The following CENPB variants were observed in gnomAD, a reference collection of about 807,000 sequenced individuals.
CENPB encodes the protein major centromere autoantigen B.
CENPB carries 19 observed loss-of-function variants against 41.9 expected under a neutral mutation model. The observed-to-expected ratio is 0.45, with a 90% CI of 0.32 to 0.67. The LOEUF (loss-of-function observed/expected upper bound fraction) is 0.67, where lower values mean the gene tolerates loss of function less well. Ranked by LOEUF, CENPB falls within the 30% of genes least tolerant of loss-of-function variation. CENPB has a pLI of 0.04. For missense variants in CENPB, 614 were observed against 816.2 expected (o/e 0.75, Z 3.02); for synonymous variants, 399 against 354.4 (o/e 1.13, Z -1.41).
rs199738908 is a variant in CENPB, at chr20:3,785,022, C to G, written c.1462G>C (p.Gly488Arg). The change falls in exon 1 of 1, where the codon GGG (glycine) becomes CGG (arginine). Residue 488 changes from glycine to arginine, a missense_variant. Transcript: ENST00000379751. ...GCTTCCTCCTGGGCACCATAAGCCC[C>G]GAAGCTGCCACCGGCCTCCACTACT... ...QGVVEAGGSFGAYGAQEEAQC... is the reference protein window; with the variant it reads ...QGVVEAGGSFRAYGAQEEAQC... 5.6e-6 allele frequency: 9 copies of G among 1,613,948 alleles called. No individual in the cohort carries two copies. The highest frequency in any genetic ancestry group is 6.8e-6 in the Non-Finnish European group (8 of 1,180,006).
In CENPB at chr20:3,786,355, G is replaced by A. The variant is rs1322429719; in HGVS notation, c.129C>T (p.Ser43=). ...TGGCGCGCTTGTTCTTCAGGATCGT[G>A]CTCAGCGTGGACGGCGGGATGTTGA... ...RRFNIPPSTL[S]TILKNKRAIL... is the part of the protein sequence containing the mutation. The change falls in exon 1 of 1, where the codon AGC becomes AGT. Residue 43 remains serine (S), a synonymous_variant. Transcript: ENST00000379751. The A allele has an allele frequency of 6.2e-7, 1 of 1,606,072 alleles. No homozygotes were observed.
In CENPB at chr20:3,785,365, C is replaced by G; in HGVS notation, c.1119G>C (p.Gln373His). The G allele has an allele frequency of 1.9e-6, 3 of 1,602,016 alleles. No individual in the cohort carries two copies. Among genetic ancestry groups the G allele is most frequent in the Non-Finnish European group, 2.6e-6 (3 of 1,175,544 alleles). Residue 373 changes from glutamine to histidine, a missense_variant, in exon 1 of 1, where the codon CAG (glutamine) becomes CAC (histidine). Gln to His is a conservative substitution (Grantham distance 24). Around this residue, in one of 2 missense-constraint regions of CENPB, gnomAD observed 537 missense variants for 629.4 expected, o/e 0.85. Transcript: ENST00000379751. ...EALHFVAAAW[Q>H]AVEPSDIAAC... ...CGGCTATGTCCGAAGGCTCCACTGC[C>G]TGCCAGGCGGCAGCCACAAAGTGCA...
chr20:3,785,233 C>T lies in CENPB; in HGVS notation c.1251G>A (p.Glu417=). 2 of 1,548,376 alleles carry T rather than the reference C, an allele frequency of 1.3e-6. No homozygotes were observed. Among genetic ancestry groups the T allele is most frequent in the African/African-American group, 1.4e-5 (1 of 72,382 alleles). The change falls in exon 1 of 1, where the codon GAG becomes GAA. Residue 417 remains glutamate, a synonymous_variant. Coordinates refer to ENST00000379751, the MANE Select transcript of CENPB (RefSeq NM_001810.6). The part of the protein sequence containing the change: ...EEEEEEEEEE[E]EEGEGEEEEE... ...CCTCTTCCTCTCCTTCACCCTCTTC[C>T]TCCTCCTCTTCTTCCTCCTCCTCCT...
In CENPB at chr20:3,786,512, G is replaced by T; in HGVS notation, c.-29C>A. ...GGCGCGCCCCCCGCCCCGGGGCCCG[G>T]CGCCGCCGCCGCCGCCCCGGGGCGG... On this transcript the variant is annotated 5_prime_UTR_variant, in exon 1 of 1. Coordinates refer to ENST00000379751, the MANE Select transcript of CENPB (RefSeq NM_001810.6). 44 of 985,150 alleles carry T rather than the reference G, an allele frequency of 4.5e-5. No individual in the cohort carries two copies. Among genetic ancestry groups the T allele is most frequent in the East Asian group, 3.0e-4 (5 of 16,734 alleles). 61.0% of individuals were successfully genotyped at this position (985,150 alleles called of 1,614,324 possible).
chr20:3,784,460 G>C lies in CENPB; in HGVS notation c.*224C>G. 1.8e-6 allele frequency: 1 copy of C among 562,148 alleles called. No homozygotes were observed. 34.8% of individuals were successfully genotyped at this position (562,148 alleles called of 1,614,324 possible). ...GGTCCCCTGAGCCCAGGGCCAAATG[G>C]GGAGGAAAGAGGATTCTGAGAAAGA... On this transcript the variant is annotated 3_prime_UTR_variant, in exon 1 of 1. Coordinates refer to ENST00000379751, the MANE Select transcript of CENPB (RefSeq NM_001810.6). This position sits in a 1 kb window ranked among gnomAD's most constrained non-coding sequence, Gnocchi z 5.2.
In CENPB at chr20:3,785,762, G is replaced by A. The variant is rs1348985910; in HGVS notation, c.722C>T (p.Pro241Leu). 2 of 1,609,100 alleles carry A rather than the reference G, an allele frequency of 1.2e-6. No individual in the cohort carries two copies. Among genetic ancestry groups the A allele is most frequent in the Non-Finnish European group, 1.7e-6 (2 of 1,177,848 alleles). ...CTTGGCCGACTTGCCGGCCACCAGC[G>A]GGGGCAGCTTCTCGCTGCCGTCGGC... ...ANADGSEKLP[P>L]LVAGKSAKPR... The change falls in exon 1 of 1, where the codon CCG becomes CTG. Residue 241 changes from proline to leucine, a missense_variant. Coordinates refer to ENST00000379751, the MANE Select transcript of CENPB (RefSeq NM_001810.6).
In CENPB at chr20:3,786,083, G is replaced by A; in HGVS notation, c.401C>T (p.Ser134Phe). 2 of 1,589,688 alleles carry A rather than the reference G, an allele frequency of 1.3e-6. No individual in the cohort carries two copies. The highest frequency in any genetic ancestry group is 1.7e-6 in the Non-Finnish European group (2 of 1,175,856). Residue 134 changes from serine (S) to phenylalanine (F), a missense_variant, in exon 1 of 1, where the codon TCC (serine) becomes TTC (phenylalanine). By Grantham distance (155) the Ser-to-Phe change is radical. Around this residue, in one of 2 missense-constraint regions of CENPB, gnomAD observed 537 missense variants for 629.4 expected, o/e 0.85. Transcript: ENST00000379751. Reference protein sequence around the residue: ...DRFRRRHGVVSCSGVARARAR... With the variant: ...DRFRRRHGVVFCSGVARARAR... ...GCGGGCGCGGGCCACGCCGCTGCAGGACACCACGCCGTGGCGCCGGCGGAA... is the reference window on the plus strand; with the variant it reads ...GCGGGCGCGGGCCACGCCGCTGCAGAACACCACGCCGTGGCGCCGGCGGAA...
At position 3,786,551 on chromosome 20, in the gene CENPB, G is replaced by A; in HGVS notation, c.-68C>T. ...GCCCCGGGGCGGGGGGCCCGGGCCCGTGGCGGGGGGCACCTGGCGGCCTCT... is the reference window on the plus strand; with the variant it reads ...GCCCCGGGGCGGGGGGCCCGGGCCCATGGCGGGGGGCACCTGGCGGCCTCT... On this transcript the variant is annotated 5_prime_UTR_variant, in exon 1 of 1. The change creates a new upstream start codon in the 5' untranslated region. Transcript: ENST00000379751. The A allele has an allele frequency of 2.5e-6, 1 of 406,598 alleles. No homozygotes were observed. Among genetic ancestry groups the A allele is most frequent in the Non-Finnish European group, 3.3e-6 (1 of 305,822 alleles). The allele number at this position is 406,598 out of a possible 1,614,324, so 25.2% of individuals were successfully genotyped here.
rs1181946654 is a variant in CENPB, at chr20:3,785,859, C to T, written c.625G>A (p.Ala209Thr). 1.2e-6 allele frequency: 2 copies of T among 1,608,350 alleles called. No individual in the cohort carries two copies. Among genetic ancestry groups the T allele is most frequent in the Admixed American group, 1.7e-5 (1 of 59,406 alleles). ...CGTCCGTCGCCTCCGCACAGCCCCGCGGCCTGGTCGGGCAGGAAGTCGTAC... is the reference window on the plus strand; with the variant it reads ...CGTCCGTCGCCTCCGCACAGCCCCGTGGCCTGGTCGGGCAGGAAGTCGTAC... ...LWYDFLPDQA[A>T]GLCGGDGRPR... The change falls in exon 1 of 1, where the codon GCG becomes ACG. Residue 209 changes from alanine (A) to threonine (T), a missense_variant. Physicochemically the swap from Ala to Thr is moderately conservative, Grantham distance 58. This residue lies in a region of CENPB where 537 missense variants were observed against 629.4 expected (regional missense o/e 0.85). Coordinates refer to ENST00000379751, the MANE Select transcript of CENPB (RefSeq NM_001810.6).
In CENPB at chr20:3,785,818, G is replaced by C. The variant is rs1430996324; in HGVS notation, c.666C>G (p.Thr222=). The change falls in exon 1 of 1, where the codon ACC becomes ACG. Residue 222 remains threonine, a synonymous_variant. Coordinates refer to ENST00000379751, the MANE Select transcript of CENPB (RefSeq NM_001810.6). The part of the protein sequence containing the change: ...CGGDGRPRQA[T]QRLSVLLCAN... ...CGCATAGCAGGACGCTCAGGCGCTG[G>C]GTGGCTTGACGCGGCCGTCCGTCGC... 3.1e-6 allele frequency: 5 copies of C among 1,609,356 alleles called. No individual in the cohort carries two copies. The African/African-American group carries it at 6.7e-5, about 22-fold the overall frequency.
rs1341890830 is a variant in CENPB, at chr20:3,785,192, T to TCCTCCC, written c.1286_1291dup (p.Gly429_Glu430dup). 8 of 838,036 alleles carry TCCTCCC rather than the reference T, an allele frequency of 9.5e-6. No individual in the cohort carries two copies. The African/African-American group carries it at 1.1e-4, about 11-fold the overall frequency. 51.9% of individuals were successfully genotyped at this position (838,036 alleles called of 1,614,324 possible). On this transcript the variant is annotated inframe_insertion, in exon 1 of 1. Coordinates refer to ENST00000379751, the MANE Select transcript of CENPB (RefSeq NM_001810.6). ...TCCTTCCCCCCCTTCCTCCTCCTCCTCCTCCCCTTCCTCCTCCTCTTCCTC... is the reference window on the plus strand; with the variant it reads ...TCCTTCCCCCCCTTCCTCCTCCTCCTCCTCCCCCTCCCCTTCCTCCTCCTCTTCCTC...
In CENPB at chr20:3,784,790, T is replaced by C. The variant is rs893331913; in HGVS notation, c.1694A>G (p.Asp565Gly). The C allele has an allele frequency of 6.2e-7, 1 of 1,614,074 alleles. No individual in the cohort carries two copies. The highest frequency in any genetic ancestry group is 1.7e-5 in the Admixed American group (1 of 60,000). ...KRYLTSFPID[D>G]RVQSHILHLE... ...GTGGAGGATGTGGCTCTGCACGCGG[T>C]CATCAATGGGGAAGGAGGTCAGGTA... The change falls in exon 1 of 1, where the codon GAC becomes GGC. Residue 565 changes from aspartate to glycine, a missense_variant. Transcript: ENST00000379751. This position sits in a 1 kb window ranked among gnomAD's most constrained non-coding sequence, Gnocchi z 5.2.
Position 3,784,960 on chromosome 20 carries a change from C to T in CENPB, c.1524G>A (p.Glu508=), listed in dbSNP as rs2088804617. Residue 508 remains glutamate (E), a synonymous_variant, in exon 1 of 1, where the codon GAG becomes GAA. Transcript: ENST00000379751. The surrounding 1 kb of genome is among the most constrained non-coding windows in gnomAD (Gnocchi z 5.2). ...CTTCCTCACTGTCTGAATCAGAGTC[C>T]TCCCCACCTTCCAGGAAATGCAGAG... ...CPTLHFLEGG[E]DSDSDSEEED... 1.2e-6 allele frequency: 2 copies of T among 1,614,022 alleles called. No individual in the cohort carries two copies. Among genetic ancestry groups the T allele is most frequent in the Non-Finnish European group, 8.5e-7 (1 of 1,179,982 alleles).
rs773064269 is a variant in CENPB, at chr20:3,786,039, G to A, written c.445C>T (p.Arg149Cys). The A allele has an allele frequency of 4.8e-6, 7 of 1,465,486 alleles. No homozygotes were observed. The highest frequency in any genetic ancestry group is 6.2e-6 in the Non-Finnish European group (7 of 1,122,566). 90.8% of individuals were successfully genotyped at this position (1,465,486 alleles called of 1,614,324 possible). The change falls in exon 1 of 1, where the codon CGC becomes TGC. Residue 149 changes from arginine (R) to cysteine (C), a missense_variant. Physicochemically the swap from Arg to Cys is radical, Grantham distance 180. Around this residue, in one of 2 missense-constraint regions of CENPB, gnomAD observed 537 missense variants for 629.4 expected, o/e 0.85. Transcript: ENST00000379751. ...ARARARNAAP[R>C]TPAAPASPAA... ...GGACTGGCAGGCGCCGCCGGGGTGC[G>A]GGGGGCAGCGTTTCGCGCGCGGGCG...
In CENPB at chr20:3,784,938, C is replaced by T; in HGVS notation, c.1546G>A (p.Glu516Lys). 3 of 1,614,072 alleles carry T rather than the reference C, an allele frequency of 1.9e-6. No individual in the cohort carries two copies. Among genetic ancestry groups the T allele is most frequent in the Non-Finnish European group, 2.5e-6 (3 of 1,179,996 alleles). Residue 516 changes from glutamate to lysine, a missense_variant, in exon 1 of 1, where the codon GAA becomes AAA. Around this residue, in one of 2 missense-constraint regions of CENPB, gnomAD observed 537 missense variants for 629.4 expected, o/e 0.85. Transcript: ENST00000379751. The surrounding 1 kb of genome is among the most constrained non-coding windows in gnomAD (Gnocchi z 5.2). Reference sequence around the variant, plus strand: ...TCATCCTCTTCCTCATCGTCCTCTTCCTCACTGTCTGAATCAGAGTCCTCC... The same window carrying T: ...TCATCCTCTTCCTCATCGTCCTCTTTCTCACTGTCTGAATCAGAGTCCTCC... ...GGEDSDSDSE[E>K]EDDEEEDDED...
In CENPB at chr20:3,784,996, G is replaced by C; in HGVS notation, c.1488C>G (p.Ala496=). The C allele has an allele frequency of 6.2e-7, 1 of 1,613,746 alleles. No homozygotes were observed. Among genetic ancestry groups the C allele is most frequent in the South Asian group, 1.1e-5 (1 of 91,056 alleles). Residue 496 remains alanine, a synonymous_variant, in exon 1 of 1, where the codon GCC becomes GCG. Transcript: ENST00000379751. This position sits in a 1 kb window ranked among gnomAD's most constrained non-coding sequence, Gnocchi z 5.2. ...SFGAYGAQEE[A]QCPTLHFLEG... ...CCAGGAAATGCAGAGTAGGGCACTG[G>C]GCTTCCTCCTGGGCACCATAAGCCC...
rs763438322 is a variant in CENPB, at chr20:3,784,663, G to A, written c.*21C>T. Reference sequence around the variant, plus strand: ...GGTGGTGCTGCCAATCTAGGTTGGGGGCACAGCTAGGTCCAGTGACTCAGC... The same window carrying A: ...GGTGGTGCTGCCAATCTAGGTTGGGAGCACAGCTAGGTCCAGTGACTCAGC... On this transcript the variant is annotated 3_prime_UTR_variant, in exon 1 of 1. Coordinates refer to ENST00000379751, the MANE Select transcript of CENPB (RefSeq NM_001810.6). This position sits in a 1 kb window ranked among gnomAD's most constrained non-coding sequence, Gnocchi z 5.2. 4 of 1,612,036 alleles carry A rather than the reference G, an allele frequency of 2.5e-6. No individual in the cohort carries two copies. The South Asian group carries it at 3.3e-5, about 13-fold the overall frequency.
chr20:3,786,553 G>A lies in CENPB; in HGVS notation c.-70C>T. 2.5e-6 allele frequency: 1 copy of A among 399,032 alleles called. No homozygotes were observed. The highest frequency in any genetic ancestry group is 3.3e-6 in the Non-Finnish European group (1 of 298,596). The allele number at this position is 399,032 out of a possible 1,614,324, so 24.7% of individuals were successfully genotyped here. A position where few individuals can be genotyped will look rare whatever the true frequency, so the allele number is the denominator to read the frequency against. ...CCCGGGGCGGGGGGCCCGGGCCCGT[G>A]GCGGGGGGCACCTGGCGGCCTCTCC... On this transcript the variant is annotated 5_prime_UTR_variant, in exon 1 of 1. Transcript: ENST00000379751.
chr20:3,785,710 G>A lies in CENPB; in HGVS notation c.774C>T (p.Pro258=). 1.9e-6 allele frequency: 3 copies of A among 1,608,230 alleles called. No individual in the cohort carries two copies. The highest frequency in any genetic ancestry group is 2.5e-6 in the Non-Finnish European group (3 of 1,177,312). The change falls in exon 1 of 1, where the codon CCC becomes CCT. Residue 258 remains proline (P), a synonymous_variant. Coordinates refer to ENST00000379751, the MANE Select transcript of CENPB (RefSeq NM_001810.6). The stretch of plus-strand genomic sequence containing the variant: ...CCTTGGAGTTGGCGGTGTAGTCGCA[G>A]GGCAGGCCGGCTTGGCCTGCGCGGG... The part of the protein sequence containing the change: ...AKPRAGQAGL[P]CDYTANSKGG...
Sources: gnomAD v4.1 joint callset for allele counts on GRCh38, gnomAD v4.1.1 for gene constraint, gnomAD v4.1.1 regional missense constraint, Gnocchi (gnomAD v3.1) non-coding constraint, MANE v1.5 for transcripts, NCBI Gene and HGNC (gene_info 2026-07-23, HGNC 2026-07-21) for gene names.